The following SLTM variants were observed in gnomAD, a reference collection of about 807,000 sequenced individuals.
SLTM encodes SAFB like transcription modulator.
SLTM carries 43 observed loss-of-function variants against 134.6 expected under a neutral mutation model. That is an observed-to-expected ratio of 0.32 (90% CI 0.25 to 0.41). The LOEUF (loss-of-function observed/expected upper bound fraction) is 0.41, where lower values mean the gene tolerates loss of function less well. Ranked by LOEUF, SLTM falls within the 10% of genes least tolerant of loss-of-function variation. The pLI, the probability that SLTM is intolerant of heterozygous loss-of-function variation, is 1.00. For missense variants in SLTM, 1,055 were observed against 1,288.8 expected, an observed-to-expected ratio of 0.82 and a Z score of 2.78; for synonymous variants, 424 against 432.3, an observed-to-expected ratio of 0.98 and a Z score of 0.24.
At chr15:58,927,231 C>CT (rs1213111177) in intron 2 of SLTM, among the ~76,000 whole-genome samples, 3 of 151,902 alleles carry the variant, frequency 2.0e-5, no homozygotes, top group Non-Finnish European at 4.4e-5. Flanking sequence ...AGAGATATTT[C>CT]TTTTTTTTGT....
chr15:58,906,076 A>G (rs1427927297), intron 5 of SLTM, among the ~76,000 whole-genome samples: 2 of 152,242 alleles, frequency 1.3e-5, no homozygotes, highest in Non-Finnish European at 2.9e-5. Flanking sequence ...CAAGCATAGC[A>G]CTAACCATAA....
Position 58,908,649 on chromosome 15 carries a change from AG to A in SLTM, c.561+3913del, listed in dbSNP as rs1173670162. On this transcript the variant is annotated intron_variant, in intron 5 of 20. Coordinates refer to ENST00000380516, the MANE Select transcript of SLTM (RefSeq NM_024755.4). The stretch of plus-strand genomic sequence containing the variant: ...CTTCCAAAGTGCTGTGATTACAGGC[AG>A]GAGCCACCACACCCAGCCCAGACTA... Among the ~76,000 whole-genome samples, 7 of 151,936 alleles carry A rather than the reference AG, an allele frequency of 4.6e-5. No individual in the cohort carries two copies. In the East Asian group the frequency reaches 1.4e-3, roughly 29 times the overall value.
intron 12 of SLTM, 147 bp from the exon 13 acceptor site, chr15:58,893,511 GT>G: frequency 1.5e-6 from 1 of 647,372 alleles, no homozygotes; most frequent in South Asian, 2.2e-5. Context: ...AATGCAAAGA[GT>G]TTTTTAAACA....
intron 5 of SLTM, among the ~76,000 whole-genome samples, chr15:58,906,006 A>G (rs2035844306): frequency 6.6e-6 from 1 of 152,214 alleles, no homozygotes; most frequent in Admixed American, 6.5e-5. Context: ...CAACTTGGGT[A>G]AAGTAGAAAA....
intron 5 of SLTM, among the ~76,000 whole-genome samples, chr15:58,904,363 TAA>T (rs1170066516): frequency 6.6e-6 from 1 of 152,132 alleles, no homozygotes; most frequent in African/African-American, 2.4e-5. Flanking sequence ...TGGACTAAGT[TAA>T]AGTGTGCCAA....
intron 2 of SLTM, among the ~76,000 whole-genome samples, chr15:58,922,661 AAAAATATAT>A (rs1169510436): frequency 2.2e-4 from 32 of 147,292 alleles, no homozygotes; most frequent in African/African-American, 7.6e-4. Context: ...TGCGTATATA[AAAAATATAT>A]AAAATATATA....
intron 9 of SLTM, among the ~76,000 whole-genome samples, chr15:58,894,974 G>A (rs2094013518): frequency 6.6e-6 from 1 of 152,020 alleles, no homozygotes. Context: ...CACAGTGCTG[G>A]GATTACAAGC....
At position 58,933,386 on chromosome 15, in the gene SLTM, G is replaced by C; in HGVS notation, c.162+18C>G. 2 of 1,569,076 alleles carry C rather than the reference G, an allele frequency of 1.3e-6. No individual in the cohort carries two copies. The highest frequency in any genetic ancestry group is 1.7e-6 in the Non-Finnish European group (2 of 1,156,820). On this transcript the variant is annotated intron_variant, in intron 1 of 20. Coordinates refer to ENST00000380516, the MANE Select transcript of SLTM (RefSeq NM_024755.4). ...AAGTTCCCCTTCCCGGTCCTTTCCG[G>C]TCCTCGCCGGGCCTCACCTGCTTGA...
At chr15:58,929,222 G>A (rs1321414715) in intron 2 of SLTM, among the ~76,000 whole-genome samples, 2 of 152,144 alleles carry the variant, frequency 1.3e-5, no homozygotes, top group Non-Finnish European at 2.9e-5. Context: ...AGGCCGAGGC[G>A]GGAGGATTAC....
intron 19 of SLTM, among the ~76,000 whole-genome samples, chr15:58,884,854 C>T (rs938601928): frequency 1.2e-4 from 18 of 152,216 alleles, no homozygotes; most frequent in Middle Eastern, 3.4e-3. Flanking sequence ...AAGCTCGTCT[C>T]GAACCCTTGG....
chr15:58,897,166 T>C lies in SLTM; in HGVS notation c.1176A>G (p.Ser392=), dbSNP rs369008820. ...TCAAATCAGCAGCTTTGGTATTAGA[T>C]GAAAGTCCACTAACCCAGATATTTT... ...STKNIWVSGL[S]SNTKAADLKN... Residue 392 remains serine, a synonymous_variant, in exon 9 of 21, where the codon TCA becomes TCG. Transcript: ENST00000380516. 13 of 1,613,404 alleles carry C rather than the reference T, an allele frequency of 8.1e-6. No individual in the cohort carries two copies. The highest frequency in any genetic ancestry group is 1.1e-5 in the South Asian group (1 of 91,062).
intron 3 of SLTM, among the ~76,000 whole-genome samples, chr15:58,915,102 ACT>A (rs1244128520): frequency 1.3e-5 from 2 of 151,778 alleles, no homozygotes; most frequent in African/African-American, 2.4e-5. Context: ...GAGGCAGGAG[ACT>A]CTCTTGAACC....
rs777976563 is a variant in SLTM at position 58,887,141 on chromosome 15, C to CATGTTT, written c.2691-23_2691-22insAAACAT. 3.1e-6 allele frequency: 5 copies of CATGTTT among 1,613,742 alleles called. No homozygotes were observed. In the East Asian group the frequency reaches 1.1e-4, roughly 36 times the overall value. ...AACTCTGTTAAACAAAACATAAAAA[C>CATGTTT]ATACATGATCAAAACTGTAATCTTA... On this transcript the variant is annotated intron_variant, in intron 18 of 20. Transcript: ENST00000380516.
At chr15:58,914,428 T>G (rs2036490143) in intron 3 of SLTM, among the ~76,000 whole-genome samples, 1 of 152,218 alleles carries the variant, frequency 6.6e-6, no homozygotes, top group East Asian at 1.9e-4. Context: ...GGCAGAGGCA[T>G]GACTACTAAT....
intron 15 of SLTM, 110 bp downstream of exon 15, chr15:58,890,171 C>T: frequency 1.6e-6 from 2 of 1,281,458 alleles, no homozygotes; most frequent in Non-Finnish European, 2.2e-6. Context: ...AGCTCCTTAG[C>T]TAAACTCATT....
rs370727636 is a variant in SLTM, at chr15:58,894,108, G to A, written c.1463C>T (p.Thr488Met). 2.6e-5 allele frequency: 41 copies of A among 1,604,868 alleles called. No homozygotes were observed. The highest frequency in any genetic ancestry group is 4.5e-5 in the East Asian group (2 of 44,750). The stretch of plus-strand genomic sequence containing the variant: ...TCCTTACTTGCTACTTCTATCACTC[G>A]TATTTTTTTTATCTCCAGAACTTCT... Reference protein sequence around the residue: ...SSRSSGDKKNTSDRSSKTQAS... With the variant: ...SSRSSGDKKNMSDRSSKTQAS... The change falls in exon 11 of 21, where the codon ACG becomes ATG. Residue 488 changes from threonine to methionine, a missense_variant. Coordinates refer to ENST00000380516, the MANE Select transcript of SLTM (RefSeq NM_024755.4).
chr15:58,893,470 A>AC (rs2034826396), intron 12 of SLTM, 106 bp from the exon 13 acceptor site: 9 of 743,560 alleles, frequency 1.2e-5, no homozygotes, highest in Non-Finnish European at 1.9e-5. Context: ...AATACATGAA[A>AC]TAAAAAAACT....
At chr15:58,915,918 A>T (rs1302994206) in intron 3 of SLTM, among the ~76,000 whole-genome samples, 5 of 152,186 alleles carry the variant, frequency 3.3e-5, no homozygotes, top group African/African-American at 1.2e-4. Context: ...ATTCCTGCAA[A>T]TACCACAATA....
At chr15:58,887,967 A>G (rs988065760) in intron 17 of SLTM, among the ~76,000 whole-genome samples, 1 of 152,190 alleles carries the variant, frequency 6.6e-6, no homozygotes. Flanking sequence ...CCTGGCCAAC[A>G]TGGCAAAACC....
Sources: allele counts gnomAD v4.1 joint callset (sites outside exome capture counted in the v4.1 genomes callset), GRCh38; gene constraint gnomAD v4.1.1; transcripts MANE v1.5; gene names NCBI Gene and HGNC (gene_info 2026-07-23, HGNC 2026-07-21).